CACNA1C: variants seen among roughly 807,000 people sequenced by gnomAD.
CACNA1C encodes voltage-dependent L-type calcium channel subunit alpha-1C.
Under a neutral mutation model 229.0 loss-of-function variants are expected in CACNA1C, and 30 were observed. The ratio of observed to expected loss-of-function variants is 0.13; its 90% CI spans 0.10 to 0.18. The LOEUF is 0.18. Ranked by LOEUF, CACNA1C falls within the 10% of genes least tolerant of loss-of-function variation. The probability of loss-of-function intolerance (pLI) is 1.00; values close to 1 mark genes in which losing one functional copy is unlikely to be tolerated. For synonymous variants in CACNA1C, 1,114 were observed against 1,132.5 expected, an observed-to-expected ratio of 0.98 and a Z score of 0.33; for missense variants, 1,658 against 2,845.0, an observed-to-expected ratio of 0.58 and a Z score of 9.49.
At chr12:2,465,585 A>G (rs1163022591) in intron 5 of CACNA1C, among the ~76,000 whole-genome samples, 1 of 152,216 alleles carries the variant, frequency 6.6e-6, no homozygotes, top group Non-Finnish European at 1.5e-5. Context: ...GAGCCAGGAG[A>G]CAAAAGTCCG....
intron 6 of CACNA1C, among the ~76,000 whole-genome samples, chr12:2,490,025 T>G (rs966790167): frequency 6.6e-6 from 1 of 152,278 alleles, no homozygotes; most frequent in Admixed American, 6.5e-5. Context: ...TTGTGTGTGT[T>G]CACATTTTTT....
intron 3 of CACNA1C, among the ~76,000 whole-genome samples, chr12:2,434,173 C>G (rs532299147): frequency 1.1e-3 from 175 of 152,202 alleles, no homozygotes; most frequent in African/African-American, 4.0e-3. Context: ...TATCACATAA[C>G]TATCTGTATA....
intron 29 of CACNA1C, chr12:2,612,254 T>G: frequency 1.3e-5 from 6 of 464,728 alleles, no homozygotes; most frequent in Middle Eastern, 5.9e-4. Context: ...AAGCTGCAGA[T>G]TCCTCGCTGA....
Position 2,691,218 on chromosome 12 carries a change from G to C in CACNA1C, c.*19G>C. 6.6e-7 allele frequency: 1 copy of C among 1,520,592 alleles called. No individual in the cohort carries two copies. The highest frequency in any genetic ancestry group is 8.8e-7 in the Non-Finnish European group (1 of 1,136,670). 94.2% of individuals were successfully genotyped at this position (1,520,592 alleles called of 1,614,324 possible). ...CCTGTAGTGGGCGCTGCCAGATGCGGGCTTTTTTTTATTTGTTTCAATGTT... is the reference window on the plus strand; with the variant it reads ...CCTGTAGTGGGCGCTGCCAGATGCGCGCTTTTTTTTATTTGTTTCAATGTT... On this transcript the variant is annotated 3_prime_UTR_variant, in exon 47 of 47. Coordinates refer to ENST00000399655, the MANE Select transcript of CACNA1C (RefSeq NM_000719.7).
intron 3 of CACNA1C, among the ~76,000 whole-genome samples, chr12:2,271,770 C>T (rs1217937343): frequency 1.3e-5 from 2 of 151,940 alleles, no homozygotes; most frequent in African/African-American, 2.4e-5. Context: ...GTGGTGCATG[C>T]CTGTAGTCCC....
chr12:2,586,883 G>A (rs551465184), intron 18 of CACNA1C, among the ~76,000 whole-genome samples: 42 of 152,330 alleles, frequency 2.8e-4, no homozygotes, highest in South Asian at 1.2e-3. Flanking sequence ...CAGGAAGGGC[G>A]TTTTCATATG....
chr12:2,450,310 T>G (rs988650329), intron 4 of CACNA1C, among the ~76,000 whole-genome samples: 3 of 152,014 alleles, frequency 2.0e-5, no homozygotes, highest in Non-Finnish European at 2.9e-5. Context: ...ATCCCAGCAC[T>G]TTGGGAGGCC....
At chr12:2,450,584 G>T (rs867310204) in intron 4 of CACNA1C, among the ~76,000 whole-genome samples, 11 of 144,418 alleles carry the variant, frequency 7.6e-5, no homozygotes, top group Non-Finnish European at 1.3e-4. Context: ...AAAAACGCAG[G>T]TGATGAAGTT....
intron 3 of CACNA1C, among the ~76,000 whole-genome samples, chr12:2,222,640 A>G (rs919383374): frequency 3.9e-5 from 6 of 152,194 alleles, no homozygotes; most frequent in African/African-American, 1.4e-4. Flanking sequence ...CGTGCCCTTT[A>G]GTACACCTTT....
chr12:2,374,159 C>A (rs1406183360), intron 3 of CACNA1C, among the ~76,000 whole-genome samples: 4 of 152,226 alleles, frequency 2.6e-5, no homozygotes. Context: ...CGTTTACTTA[C>A]CAGTGCTCAT....
rs1002236744 is a variant in CACNA1C, at chr12:2,567,887, G to C, written c.1895+93G>C. 5.7e-6 allele frequency: 4 copies of C among 696,078 alleles called. No homozygotes were observed. In the African/African-American group the frequency reaches 7.1e-5, roughly 12 times the overall value. The allele number at this position is 696,078 out of a possible 1,614,324, so 43.1% of individuals were successfully genotyped here. On this transcript the variant is annotated intron_variant, in intron 13 of 46. Transcript: ENST00000399655. The stretch of plus-strand genomic sequence containing the variant: ...GTGGCAAGGCCTGGGTGGGAGGGGG[G>C]CTGTTCTTCCTCAAAGGGTGTCTCT...
At chr12:2,052,919 CAG>C (rs2052696593), upstream of CACNA1C, 2 of 928,688 alleles carry the variant, frequency 2.2e-6, no homozygotes, top group Non-Finnish European at 2.6e-6. Flanking sequence ...GCGGCGCGGG[CAG>C]GGGCGGGCGC....
chr12:2,342,629 C>T (rs1037033687), intron 3 of CACNA1C, among the ~76,000 whole-genome samples: 4 of 152,226 alleles, frequency 2.6e-5, no homozygotes, highest in African/African-American at 9.6e-5. Context: ...GATAGATTCG[C>T]CTGGATGAAA....
In CACNA1C at chr12:2,605,018, C is replaced by A; in HGVS notation, c.2961-63C>A. 3 of 1,203,336 alleles carry A rather than the reference C, an allele frequency of 2.5e-6. No individual in the cohort carries two copies. Among genetic ancestry groups the A allele is most frequent in the South Asian group, 1.2e-5 (1 of 82,228 alleles). The allele number at this position is 1,203,336 out of a possible 1,614,324, so 74.5% of individuals were successfully genotyped here. A position where few individuals can be genotyped will look rare whatever the true frequency, so the allele number is the denominator to read the frequency against. On this transcript the variant is annotated intron_variant, in intron 22 of 46. Coordinates refer to ENST00000399655, the MANE Select transcript of CACNA1C (RefSeq NM_000719.7). This position sits in a 1 kb window ranked among gnomAD's most constrained non-coding sequence, Gnocchi z 6.2. ...CACCTGTCAGGACATTCCCTTACCA[C>A]ATTATTTTTGCTCCCCCCAGAAACA...
At chr12:2,200,357 A>G (rs932429239) in intron 3 of CACNA1C, among the ~76,000 whole-genome samples, 1 of 152,150 alleles carries the variant, frequency 6.6e-6, no homozygotes, top group African/African-American at 2.4e-5. Flanking sequence ...TAACCTAGGG[A>G]TGATTTTGCC....
intron 1 of CACNA1C, among the ~76,000 whole-genome samples, chr12:2,058,497 T>C (rs1179358935): frequency 1.3e-5 from 2 of 152,196 alleles, no homozygotes; most frequent in Non-Finnish European, 2.9e-5. Context: ...TAGGTTAATG[T>C]TGGGCACTGT....
At chr12:2,187,855 C>CAGGT (rs1008952528) in intron 3 of CACNA1C, among the ~76,000 whole-genome samples, 7 of 152,254 alleles carry the variant, frequency 4.6e-5, no homozygotes, top group African/African-American at 1.7e-4. Context: ...AGGCCCCTGA[C>CAGGT]AGGTCATCCT....
intron 3 of CACNA1C, among the ~76,000 whole-genome samples, chr12:2,231,074 G>A (rs1358044609): frequency 1.3e-5 from 2 of 152,108 alleles, no homozygotes; most frequent in East Asian, 3.8e-4. Flanking sequence ...AATAAAAACC[G>A]GCTTAAGCCC....
At chr12:2,434,459 G>T (rs1377752075) in intron 3 of CACNA1C, among the ~76,000 whole-genome samples, 1 of 152,180 alleles carries the variant, frequency 6.6e-6, no homozygotes, top group Non-Finnish European at 1.5e-5. Flanking sequence ...GGAGACACAG[G>T]AAGGTTAAAC....
Sources: gnomAD v4.1 joint callset for allele counts (sites outside exome capture counted in the v4.1 genomes callset) on GRCh38, gnomAD v4.1.1 for gene constraint, Gnocchi (gnomAD v3.1) non-coding constraint, MANE v1.5 for transcripts, NCBI Gene and HGNC (gene_info 2026-07-23, HGNC 2026-07-21) for gene names.